RFTN1: variants seen among roughly 807,000 people sequenced by gnomAD.
RFTN1 encodes raftlin.
In RFTN1, 26 loss-of-function variants were observed where a neutral mutation model predicts 46.5. The ratio of observed to expected loss-of-function variants is 0.56; its 90% CI spans 0.41 to 0.78. RFTN1 has a LOEUF of 0.78. Ranked by LOEUF, RFTN1 falls within the 30% of genes least tolerant of loss-of-function variation. The pLI, the probability that RFTN1 is intolerant of heterozygous loss-of-function variation, is 0.00. For synonymous variants in RFTN1, 261 were observed against 284.2 expected (o/e 0.92, Z 0.82); for missense variants, 693 against 718.7 (o/e 0.96, Z 0.41).
At chr3:16,363,684 T>C (rs2072970185) in intron 6 of RFTN1, among the ~76,000 whole-genome samples, 1 of 152,192 alleles carries the variant, frequency 6.6e-6, no homozygotes, top group African/African-American at 2.4e-5. Context: ...ATGCATTTGG[T>C]CTATTTTTGC....
intron 2 of RFTN1, among the ~76,000 whole-genome samples, chr3:16,490,350 G>C (rs1405238695): frequency 6.6e-6 from 1 of 152,174 alleles, no homozygotes; most frequent in Non-Finnish European, 1.5e-5. Context: ...AAGAGGTAGG[G>C]GCCTGTGCAG....
At chr3:16,378,339 T>C (rs537341236) in intron 4 of RFTN1, among the ~76,000 whole-genome samples, 2 of 152,368 alleles carry the variant, frequency 1.3e-5, no homozygotes, top group Admixed American at 1.3e-4. Context: ...ATAAAGCATT[T>C]GGCTTTGAAG....
At chr3:16,510,100 A>T (rs12629090) in intron 1 of RFTN1, among the ~76,000 whole-genome samples, 3 of 152,330 alleles carry the variant, frequency 2.0e-5, no homozygotes, top group East Asian at 3.9e-4. Context: ...CAGTCAGGAC[A>T]ATAAGAGGGG....
At chr3:16,375,316 C>G (rs1575169683) in intron 5 of RFTN1, among the ~76,000 whole-genome samples, 1 of 151,842 alleles carries the variant, frequency 6.6e-6, no homozygotes, top group Non-Finnish European at 1.5e-5. Context: ...AGGACAGGGT[C>G]CCTGGACGTT....
chr3:16,357,128 AC>A (rs377317355), intron 7 of RFTN1, among the ~76,000 whole-genome samples: 8,238 of 88,014 alleles, frequency 0.094, 326 homozygotes, highest in Non-Finnish European at 0.13. Context: ...AAAAAAAAAA[AC>A]AAAAAAACAA....
In RFTN1 at chr3:16,382,672, A is replaced by T. The variant is rs1038578327; in HGVS notation, c.442-4570T>A. 1.3e-5 allele frequency among the ~76,000 whole-genome samples: 2 copies of T among 152,164 alleles called. No homozygotes were observed. Among genetic ancestry groups the T allele is most frequent in the Non-Finnish European group, 2.9e-5 (2 of 68,018 alleles). ...ACGGGTCCACTGTTGATCTGGTCTC[A>T]CCAGCTGGAATCACAGTATCTTCTT... is the stretch of plus-strand genomic sequence containing the variant. On this transcript the variant is annotated intron_variant, in intron 4 of 9. Coordinates refer to ENST00000334133, the MANE Select transcript of RFTN1 (RefSeq NM_015150.2). The surrounding 1 kb of genome is among the most constrained non-coding windows in gnomAD (Gnocchi z 4.7).
At chr3:16,377,007 G>C (rs2073800589) in intron 5 of RFTN1, among the ~76,000 whole-genome samples, 1 of 152,156 alleles carries the variant, frequency 6.6e-6, no homozygotes, top group African/African-American at 2.4e-5. Flanking sequence ...TACTTACATG[G>C]CTTATGTAAG....
rs905496534 is a variant in RFTN1 at position 16,392,786 on chromosome 3, G to A, written c.442-14684C>T. ...TGGGACGTATGAAGCATTAACAGGT[G>A]ATATCCAACCCTCACAAGTCACTTC... On this transcript the variant is annotated intron_variant, in intron 4 of 9. Coordinates refer to ENST00000334133, the MANE Select transcript of RFTN1 (RefSeq NM_015150.2). Among the ~76,000 whole-genome samples, 6 of 151,982 alleles carry A rather than the reference G, an allele frequency of 3.9e-5. No individual in the cohort carries two copies. The East Asian group carries it at 7.7e-4, about 20-fold the overall frequency.
intron 3 of RFTN1, among the ~76,000 whole-genome samples, chr3:16,411,781 G>A (rs1303200621): frequency 6.6e-6 from 1 of 152,160 alleles, no homozygotes; most frequent in Non-Finnish European, 1.5e-5. Flanking sequence ...CAGCTGTTCT[G>A]TTACATGGAA....
rs1275245085 is a variant in RFTN1, at chr3:16,376,228, G to A, written c.826+1490C>T. ...ACTCATGAGTCAAACAGTGCCGAGT[G>A]CTTTAAATGTACAACTTTAACCTTT... On this transcript the variant is annotated intron_variant, in intron 5 of 9. Coordinates refer to ENST00000334133, the MANE Select transcript of RFTN1 (RefSeq NM_015150.2). This position sits in a 1 kb window ranked among gnomAD's most constrained non-coding sequence, Gnocchi z 4.7. Among the ~76,000 whole-genome samples the A allele has an allele frequency of 1.3e-5, 2 of 152,166 alleles. No homozygotes were observed. Among genetic ancestry groups the A allele is most frequent in the Admixed American group, 6.5e-5 (1 of 15,274 alleles).
chr3:16,476,958 C>A (rs1395163922), intron 2 of RFTN1, among the ~76,000 whole-genome samples: 2 of 152,166 alleles, frequency 1.3e-5, no homozygotes, highest in African/African-American at 4.8e-5. Context: ...GATGACGACA[C>A]CAAGATTTCC....
At chr3:16,423,880 G>C (rs1260689246) in intron 3 of RFTN1, among the ~76,000 whole-genome samples, 1 of 152,284 alleles carries the variant, frequency 6.6e-6, no homozygotes, top group East Asian at 1.9e-4. Context: ...GGACCCAAAA[G>C]ACACGTAATA....
chr3:16,510,474 C>T (rs1361673647), intron 1 of RFTN1, among the ~76,000 whole-genome samples: 1 of 152,232 alleles, frequency 6.6e-6, no homozygotes, highest in Non-Finnish European at 1.5e-5. Context: ...ATCTGATCGT[C>T]TGCAATGATT....
chr3:16,369,878 C>T (rs1169320974), intron 6 of RFTN1, among the ~76,000 whole-genome samples, 198 bp downstream of exon 6: 10 of 152,124 alleles, frequency 6.6e-5, no homozygotes, highest in Admixed American at 6.5e-5. Flanking sequence ...CTGGCTGACT[C>T]GTAGAGAGGT....
intron 1 of RFTN1, among the ~76,000 whole-genome samples, chr3:16,495,976 G>T (rs1012533260): frequency 2.0e-5 from 3 of 152,198 alleles, no homozygotes; most frequent in Admixed American, 2.0e-4. Flanking sequence ...TGGAGGCAAA[G>T]ATTTCTTAAA....
Position 16,322,131 on chromosome 3 carries a change from C to T in RFTN1, c.1332+1245G>A, listed in dbSNP as rs2069132123. ...CCTGTGGCTGAGCTGAAACTGACAG[C>T]GCTCTGCAGCCGATCCATCTTCCAG... On this transcript the variant is annotated intron_variant, in intron 9 of 9. Coordinates refer to ENST00000334133, the MANE Select transcript of RFTN1 (RefSeq NM_015150.2). The surrounding 1 kb of genome is among the most constrained non-coding windows in gnomAD (Gnocchi z 6.2). Among the ~76,000 whole-genome samples, 1 of 152,242 alleles carries T rather than the reference C, an allele frequency of 6.6e-6. No homozygotes were observed. The highest frequency in any genetic ancestry group is 2.1e-4 in the South Asian group (1 of 4,834).
At chr3:16,389,848 A>G (rs1484805244) in intron 4 of RFTN1, among the ~76,000 whole-genome samples, 1 of 152,182 alleles carries the variant, frequency 6.6e-6, no homozygotes, top group East Asian at 1.9e-4. Flanking sequence ...GGCCTCAACC[A>G]ATGAGTAGGT....
chr3:16,438,097 T>C (rs890804154), intron 2 of RFTN1, among the ~76,000 whole-genome samples: 1 of 152,168 alleles, frequency 6.6e-6, no homozygotes, highest in Admixed American at 6.6e-5. Flanking sequence ...TCATCGAATA[T>C]GGGCCCTCAA....
chr3:16,323,063 G>A (rs973297322), intron 9 of RFTN1, among the ~76,000 whole-genome samples: 7 of 152,182 alleles, frequency 4.6e-5, no homozygotes, highest in Admixed American at 1.3e-4. Context: ...CCATGGTCAG[G>A]CTGCAGCTGA....
Sources: gnomAD v4.1 joint callset for allele counts (sites outside exome capture counted in the v4.1 genomes callset) on GRCh38, gnomAD v4.1.1 for gene constraint, Gnocchi (gnomAD v3.1) non-coding constraint, MANE v1.5 for transcripts, NCBI Gene and HGNC (gene_info 2026-07-23, HGNC 2026-07-21) for gene names.